The following NEK1 variants were observed in gnomAD, a reference collection of about 807,000 sequenced individuals.
NEK1 encodes the protein NIMA related kinase 1.
NEK1 carries 137 observed loss-of-function variants against 182.1 expected under a neutral mutation model. That is an observed-to-expected ratio of 0.75 (90% confidence interval 0.65 to 0.87). The LOEUF (loss-of-function observed/expected upper bound fraction) is 0.87, where lower values mean the gene tolerates loss of function less well. NEK1 is among the 40% of genes least tolerant of loss of function. The pLI is 0.00. For synonymous variants in NEK1, 513 were observed against 492.2 expected (o/e 1.04, Z -0.56); for missense variants, 1,391 against 1,494.4 (o/e 0.93, Z 1.14).
At chr4:169,415,247 G>A (rs933991558) in intron 31 of NEK1, among the ~76,000 whole-genome samples, 13 of 152,136 alleles carry the variant, frequency 8.5e-5, no homozygotes, top group Non-Finnish European at 1.6e-4. Flanking sequence ...TGATCTCCAA[G>A]TGTGATACCT....
chr4:169,553,752 G>T (rs1761757674), intron 18 of NEK1, among the ~76,000 whole-genome samples: 1 of 152,192 alleles, frequency 6.6e-6, no homozygotes. Context: ...ATGAAAAAAT[G>T]TTGAATATGT....
In NEK1 at chr4:169,424,501, A is replaced by G. The variant is rs1736021607; in HGVS notation, c.3222+52T>C. ...TATTATGGTTTATAAAAGAAAAACA[A>G]TAATACATGTTATCGAATGGATAAT... On this transcript the variant is annotated intron_variant, in intron 31 of 35. Transcript: ENST00000507142. 3 of 1,503,890 alleles carry G rather than the reference A, an allele frequency of 2.0e-6. No individual in the cohort carries two copies. The East Asian group carries it at 6.9e-5, about 34-fold the overall frequency. The allele number at this position is 1,503,890 out of a possible 1,614,324, so 93.2% of individuals were successfully genotyped here.
At chr4:169,487,085 A>G (rs1749165166) in intron 23 of NEK1, among the ~76,000 whole-genome samples, 1 of 152,224 alleles carries the variant, frequency 6.6e-6, no homozygotes, top group South Asian at 2.1e-4. Flanking sequence ...TTATCATTAA[A>G]TATGTCAAAG....
chr4:169,479,371 C>T (rs1747554876), intron 24 of NEK1, 32 bp downstream of exon 24: 1 of 1,583,100 alleles, frequency 6.3e-7, no homozygotes, highest in Non-Finnish European at 8.6e-7. Context: ...AATCTTTTGA[C>T]TTTGAGGAGT....
At chr4:169,435,807 G>T (rs1175015733) in intron 28 of NEK1, among the ~76,000 whole-genome samples, 1 of 152,132 alleles carries the variant, frequency 6.6e-6, no homozygotes, top group Non-Finnish European at 1.5e-5. Context: ...AAAAAGCCCA[G>T]CTGATGGCTG....
At chr4:169,425,301 A>G (rs1369846158) in intron 30 of NEK1, among the ~76,000 whole-genome samples, 1 of 152,170 alleles carries the variant, frequency 6.6e-6, no homozygotes, top group African/African-American at 2.4e-5. Flanking sequence ...GCGCATGCCT[A>G]TAGTCCCAGC....
At chr4:169,600,242 T>C (rs1317473171) in intron 4 of NEK1, among the ~76,000 whole-genome samples, 1 of 151,704 alleles carries the variant, frequency 6.6e-6, no homozygotes, top group Non-Finnish European at 1.5e-5. Context: ...CAGGTTAGAG[T>C]GCAATGGCAC....
intron 18 of NEK1, among the ~76,000 whole-genome samples, chr4:169,538,929 T>G (rs1580579551): frequency 6.6e-6 from 1 of 152,154 alleles, no homozygotes; most frequent in African/African-American, 2.4e-5. Context: ...ATAAAAATAT[T>G]TGAAATATGA....
intron 31 of NEK1, among the ~76,000 whole-genome samples, chr4:169,421,893 C>A (rs969762574): frequency 3.3e-5 from 5 of 152,088 alleles, no homozygotes; most frequent in African/African-American, 7.2e-5. Context: ...CACTATCAAC[C>A]AATTTGACTT....
intron 27 of NEK1, among the ~76,000 whole-genome samples, chr4:169,452,346 A>C (rs1055788402): frequency 1.3e-5 from 2 of 152,094 alleles, no homozygotes; most frequent in Admixed American, 6.6e-5. Flanking sequence ...GATACCAAAG[A>C]CTGGCAGAGA....
rs185707077 is a variant in NEK1 at position 169,470,899 on chromosome 4, C to T, written c.2434+6225G>A. On this transcript the variant is annotated intron_variant, in intron 26 of 35. Transcript: ENST00000507142. ...TCTTCAATCCCTGATATCCTTTATTCCACTTGATTGATTTGGCTATTGATA... is the reference window on the plus strand; with the variant it reads ...TCTTCAATCCCTGATATCCTTTATTTCACTTGATTGATTTGGCTATTGATA... 2.0e-5 allele frequency among the ~76,000 whole-genome samples: 3 copies of T among 152,230 alleles called. No homozygotes were observed. The East Asian group carries it at 5.8e-4, about 29-fold the overall frequency.
intron 11 of NEK1, among the ~76,000 whole-genome samples, chr4:169,579,627 A>G (rs955671200): frequency 6.6e-6 from 1 of 152,002 alleles, no homozygotes; most frequent in Non-Finnish European, 1.5e-5. Flanking sequence ...TGTCTCTACT[A>G]AAATACAAAA....
intron 27 of NEK1, among the ~76,000 whole-genome samples, chr4:169,458,789 C>T (rs1235742104): frequency 6.8e-6 from 1 of 147,298 alleles, no homozygotes; most frequent in African/African-American, 2.6e-5. Context: ...TGTTGCAACA[C>T]TGCACTCCAG....
rs544121254 is a variant in NEK1, at chr4:169,454,050, A to C, written c.2587+9193T>G. On this transcript the variant is annotated intron_variant, in intron 27 of 35. Coordinates refer to ENST00000507142, the MANE Select transcript of NEK1 (RefSeq NM_001199397.3). ...ACACATCTACAACCATCTGATCTTT[A>C]ACAAACCTGACAAAAACGAGAAATG... 3.5e-4 allele frequency among the ~76,000 whole-genome samples: 54 copies of C among 152,294 alleles called. 1 individual carries two copies. In the South Asian group the frequency reaches 8.1e-3, roughly 23 times the overall value.
intron 4 of NEK1, among the ~76,000 whole-genome samples, chr4:169,600,848 C>T (rs1770370424): frequency 6.6e-6 from 1 of 152,042 alleles, no homozygotes; most frequent in East Asian, 1.9e-4. Flanking sequence ...AATAATAAAG[C>T]CTTATTTTTA....
At chr4:169,458,250 A>G (rs1253621851) in intron 27 of NEK1, among the ~76,000 whole-genome samples, 3 of 152,188 alleles carry the variant, frequency 2.0e-5, no homozygotes, top group Admixed American at 6.5e-5. Context: ...ATGGCCCCAT[A>G]CAGATATAGT....
At position 169,479,500 on chromosome 4, in the gene NEK1, G is replaced by A. The variant is rs746578813; in HGVS notation, c.2042C>T (p.Ser681Phe). The A allele has an allele frequency of 2.9e-5, 47 of 1,610,416 alleles. No individual in the cohort carries two copies. Among genetic ancestry groups the A allele is most frequent in the Non-Finnish European group, 4.0e-5 (47 of 1,178,534 alleles). Reference sequence around the variant, plus strand: ...TGTTTCATGCTGTCCCAAAGGTGGAGAAACATCAGAACTCTTAACTCCTTT... The same window carrying A: ...TGTTTCATGCTGTCCCAAAGGTGGAAAAACATCAGAACTCTTAACTCCTTT... ...VAKGVKSSDV[S>F]PPLGQHETGG... The change falls in exon 24 of 36, where the codon TCT becomes TTT. Residue 681 changes from serine to phenylalanine, a missense_variant. Physicochemically the swap from Ser to Phe is radical, Grantham distance 155 (BLOSUM62 -2). This residue lies in a region of NEK1 where 1,216 missense variants were observed against 1,277.6 expected (regional missense o/e 0.95). Coordinates refer to ENST00000507142, the MANE Select transcript of NEK1 (RefSeq NM_001199397.3).
At chr4:169,609,308 T>C (rs1023431387) in intron 2 of NEK1, among the ~76,000 whole-genome samples, 2 of 152,234 alleles carry the variant, frequency 1.3e-5, no homozygotes, top group Non-Finnish European at 2.9e-5. Flanking sequence ...ACCAAAATTA[T>C]AAGGGGACAG....
At chr4:169,487,149 C>T (rs9994855) in intron 23 of NEK1, among the ~76,000 whole-genome samples, 13,402 of 152,076 alleles carry the variant, frequency 0.088, 770 homozygotes, top group African/African-American at 0.16. Context: ...ATAGTTAAGG[C>T]AGTGATTTTT....
Sources: allele counts gnomAD v4.1 joint callset (sites outside exome capture counted in the v4.1 genomes callset), GRCh38; gene constraint gnomAD v4.1.1; regional missense constraint gnomAD v4.1.1; transcripts MANE v1.5; gene names NCBI Gene and HGNC (gene_info 2026-07-23, HGNC 2026-07-21).